AK6: variants seen among roughly 807,000 people sequenced by gnomAD.
The protein encoded by AK6 is adenylate kinase 6, also known as adenylate kinase isoenzyme 6.
In AK6, 24 loss-of-function variants were observed where a neutral mutation model predicts 23.7. The ratio of observed to expected loss-of-function variants is 1.01; its 90% CI spans 0.73 to 1.43. The LOEUF is 1.43. Ranked by LOEUF, AK6 falls within the 40% of genes most tolerant of loss-of-function variation. AK6 has a pLI of 0.00. For synonymous variants in AK6, 73 were observed against 69.8 expected (o/e 1.05, Z -0.23); for missense variants, 191 against 199.1 (o/e 0.96, Z 0.24).
intron 2 of AK6, among the ~76,000 whole-genome samples, chr5:69,361,729 C>T (rs1762242754): frequency 6.6e-6 from 1 of 151,726 alleles, no homozygotes; most frequent in Admixed American, 6.6e-5. Flanking sequence ...CTCAGCCTCC[C>T]GAGTAGCTGG....
At chr5:69,364,040 AT>A (rs1314222903) in intron 2 of AK6, among the ~76,000 whole-genome samples, 2 of 152,166 alleles carry the variant, frequency 1.3e-5, no homozygotes, top group African/African-American at 4.8e-5. Context: ...GTGAGCTGAG[AT>A]TGTGCCACTG....
chr5:69,369,494 C>G lies in AK6; in HGVS notation c.-4G>C, dbSNP rs750739293. Reference sequence around the variant, plus strand: ...GCAGGATGTTCGGAAGCAACATGGTCCCCGCCGCGACGGCTTCGGGCGCCT... The same window carrying G: ...GCAGGATGTTCGGAAGCAACATGGTGCCCGCCGCGACGGCTTCGGGCGCCT... On this transcript the variant is annotated 5_prime_UTR_variant, in exon 1 of 5. Coordinates refer to ENST00000380822, the MANE Select transcript of AK6 (RefSeq NM_016283.5). 1.2e-6 allele frequency: 2 copies of G among 1,611,462 alleles called. No individual in the cohort carries two copies. Among genetic ancestry groups the G allele is most frequent in the African/African-American group, 1.3e-5 (1 of 74,768 alleles).
upstream of AK6, chr5:69,369,698 G>T: frequency 6.4e-7 from 1 of 1,552,848 alleles, no homozygotes. Context: ...GTTGGAGGGT[G>T]GGCATAACTC....
At chr5:69,365,730 G>C in intron 2 of AK6, 1 of 1,545,912 alleles carries the variant, frequency 6.5e-7, no homozygotes, top group Non-Finnish European at 8.7e-7. Flanking sequence ...CGTCTTGCCA[G>C]ACTCCATGAT....
chr5:69,358,517 CAAAAAAAAAAAAAAAA>C (rs5868577), intron 2 of AK6, among the ~76,000 whole-genome samples: 1 of 54,172 alleles, frequency 1.8e-5, no homozygotes, highest in Non-Finnish European at 3.1e-5. Context: ...GACTCTGTCT[CAAAAAAAAAAAAAAAA>C]AAAAAAAAAG....
intron 2 of AK6, 36 bp from the exon 3 acceptor site, chr5:69,355,989 T>C (rs1427751379): frequency 5.2e-6 from 8 of 1,541,376 alleles, no homozygotes; most frequent in Non-Finnish European, 7.0e-6. Flanking sequence ...TGAAATATTT[T>C]CTAAGTAACT....
chr5:69,368,283 T>C (rs1256862310), intron 1 of AK6, among the ~76,000 whole-genome samples: 1 of 152,200 alleles, frequency 6.6e-6, no homozygotes, highest in African/African-American at 2.4e-5. Context: ...CATTTCAAGA[T>C]CATCAAATTC....
intron 2 of AK6, among the ~76,000 whole-genome samples, chr5:69,363,218 ACT>A (rs1762288389): frequency 6.6e-6 from 1 of 152,112 alleles, no homozygotes; most frequent in Non-Finnish European, 1.5e-5. Context: ...ACAGAGCAAG[ACT>A]CTGTCTCAAC....
At chr5:69,363,816 G>A (rs1402882267) in intron 2 of AK6, among the ~76,000 whole-genome samples, 1 of 151,880 alleles carries the variant, frequency 6.6e-6, no homozygotes, top group Non-Finnish European at 1.5e-5. Flanking sequence ...GGCCAGGTGA[G>A]GTAGCTCACA....
chr5:69,354,443 A>G (rs1266909916), intron 4 of AK6, among the ~76,000 whole-genome samples: 2 of 152,210 alleles, frequency 1.3e-5, no homozygotes, highest in Non-Finnish European at 2.9e-5. Flanking sequence ...AGTTGACTAT[A>G]ATCAGTGAAA....
At chr5:69,362,148 T>C (rs1762258285) in intron 2 of AK6, among the ~76,000 whole-genome samples, 1 of 152,124 alleles carries the variant, frequency 6.6e-6, no homozygotes, top group Non-Finnish European at 1.5e-5. Flanking sequence ...ATAAGCCTTA[T>C]TTCTTTACAG....
At chr5:69,365,244 G>C in intron 2 of AK6, 1 of 1,614,188 alleles carries the variant, frequency 6.2e-7, no homozygotes, top group Middle Eastern at 1.6e-4. Context: ...CTGTGGGGTT[G>C]GTGTGCCTAG....
At position 69,353,955 on chromosome 5, in the gene AK6, A is replaced by C. The variant is rs1428013805; in HGVS notation, c.326+1694T>G. ...TGGCTAAATTTTTTATTTTTTGTAG[A>C]GACCAAGGTCTTGCTATGTTGCCCA... On this transcript the variant is annotated intron_variant, in intron 4 of 4. Coordinates refer to ENST00000380822, the MANE Select transcript of AK6 (RefSeq NM_016283.5). 2.6e-5 allele frequency among the ~76,000 whole-genome samples: 4 copies of C among 151,672 alleles called. No individual in the cohort carries two copies. The East Asian group carries it at 7.8e-4, about 30-fold the overall frequency.
Position 69,369,487 on chromosome 5 carries a change from A to C in AK6, c.4T>G (p.Leu2Val). 2 of 1,611,392 alleles carry C rather than the reference A, an allele frequency of 1.2e-6. No homozygotes were observed. Among genetic ancestry groups the C allele is most frequent in the Non-Finnish European group, 1.7e-6 (2 of 1,179,302 alleles). The change falls in exon 1 of 5, where the codon TTG becomes GTG. Residue 2 changes from leucine (L) to valine (V), a missense_variant. Transcript: ENST00000380822. The part of the protein sequence containing the change: M[L>V]LPNILLTGTP... ...CCGGTGAGCAGGATGTTCGGAAGCAACATGGTCCCCGCCGCGACGGCTTCG... is the reference window on the plus strand; with the variant it reads ...CCGGTGAGCAGGATGTTCGGAAGCACCATGGTCCCCGCCGCGACGGCTTCG...
intron 2 of AK6, chr5:69,365,260 G>A (rs372574875): frequency 6.2e-7 from 1 of 1,614,154 alleles, no homozygotes; most frequent in Non-Finnish European, 8.5e-7. Context: ...CCTAGTGTGG[G>A]AGTACTTGGT....
intron 2 of AK6, among the ~76,000 whole-genome samples, chr5:69,361,215 G>A (rs988640724): frequency 2.6e-4 from 39 of 152,042 alleles, no homozygotes; most frequent in African/African-American, 8.2e-4. Context: ...GTGCAGTGGC[G>A]CGATCTTGGC....
At chr5:69,367,337 TAC>T (rs1414171487) in intron 1 of AK6, among the ~76,000 whole-genome samples, 1 of 151,378 alleles carries the variant, frequency 6.6e-6, no homozygotes, top group East Asian at 2.0e-4. Context: ...ATAGTGAAAC[TAC>T]ATCTCTATTA....
intron 4 of AK6, 143 bp downstream of exon 4, chr5:69,355,505 TG>T: frequency 2.4e-6 from 2 of 842,532 alleles, no homozygotes; most frequent in Non-Finnish European, 3.5e-6. Context: ...CCCTCCAGCC[TG>T]GGTGACAGCG....
intron 4 of AK6, among the ~76,000 whole-genome samples, chr5:69,353,825 A>AATCCCAGG (rs1762013638): frequency 6.6e-6 from 1 of 152,128 alleles, no homozygotes; most frequent in Non-Finnish European, 1.5e-5. Flanking sequence ...GCTGGAGTGC[A>AATCCCAGG]GTGGTGCAAT....
Sources: gnomAD v4.1 joint callset for allele counts (sites outside exome capture counted in the v4.1 genomes callset) on GRCh38, gnomAD v4.1.1 for gene constraint, MANE v1.5 for transcripts, NCBI Gene and HGNC (gene_info 2026-07-23, HGNC 2026-07-21) for gene names.